BRCC3: variants seen among roughly 807,000 people sequenced by gnomAD.
BRCC3 encodes the protein BRCA1/BRCA2-containing complex subunit 3.
In BRCC3, 15 loss-of-function variants were observed where a neutral mutation model predicts 28.0. The ratio of observed to expected loss-of-function variants is 0.54; its 90% CI spans 0.36 to 0.82. The LOEUF is 0.82. BRCC3 is among the 40% of genes least tolerant of loss of function. The pLI is 0.01. For synonymous variants in BRCC3, 66 were observed against 80.3 expected (o/e 0.82, Z 0.95); for missense variants, 109 against 225.9 (o/e 0.48, Z 3.32).
At chrX:155,120,390 G>A (rs188616670) in intron 10 of BRCC3, among the ~76,000 whole-genome samples, 1 of 112,122 alleles carries the variant, frequency 8.9e-6, no homozygotes, top group East Asian at 2.8e-4. Context: ...TTTTAAAAAG[G>A]CTATGAGTGG....
At chrX:155,075,267 C>A (rs1557293334) in intron 3 of BRCC3, among the ~76,000 whole-genome samples, 2 of 112,370 alleles carry the variant, frequency 1.8e-5, no homozygotes, top group African/African-American at 3.2e-5. Context: ...CCTTCAACAT[C>A]TGATAATGCT....
intron 5 of BRCC3, among the ~76,000 whole-genome samples, chrX:155,079,181 A>T (rs1416293033): frequency 1.8e-5 from 2 of 111,530 alleles, no homozygotes; most frequent in Admixed American, 1.9e-4. Context: ...AAAGAAGGAG[A>T]ATAACTTGGG....
At chrX:155,083,052 C>T (rs924533989) in intron 5 of BRCC3, among the ~76,000 whole-genome samples, 5 of 112,181 alleles carry the variant, frequency 4.5e-5, no homozygotes, top group Non-Finnish European at 9.4e-5. Context: ...CCCATCTGGA[C>T]GTGCGTGATT....
At chrX:155,095,243 A>G (rs1557296113) in intron 7 of BRCC3, among the ~76,000 whole-genome samples, 1 of 112,299 alleles carries the variant, frequency 8.9e-6, no homozygotes, top group African/African-American at 3.2e-5. Context: ...TAACAAGTTT[A>G]TAAAGTAAAA....
At chrX:155,085,828 A>G in intron 5 of BRCC3, among the ~76,000 whole-genome samples, 1 of 111,804 alleles carries the variant, frequency 8.9e-6, no homozygotes, top group East Asian at 2.8e-4. Flanking sequence ...TGTCTTGACC[A>G]CGGAGATCTT....
At chrX:155,080,179 GAAGAA>G (rs2074074959) in intron 5 of BRCC3, among the ~76,000 whole-genome samples, 1 of 111,763 alleles carries the variant, frequency 8.9e-6, no homozygotes, top group Admixed American at 9.5e-5. Context: ...AGCCACTAAT[GAAGAA>G]AAGTTTGACA....
chrX:155,086,097 C>CAGTGTCCAGAGTGG, intron 5 of BRCC3, among the ~76,000 whole-genome samples: 3 of 111,467 alleles, frequency 2.7e-5, no homozygotes, highest in African/African-American at 9.8e-5. Context: ...CTGCAACACA[C>CAGTGTCCAGAGTGG]CTTGGAAATC....
chrX:155,118,124 A>T (rs1347159854), intron 9 of BRCC3, among the ~76,000 whole-genome samples: 1 of 112,441 alleles, frequency 8.9e-6, no homozygotes, highest in Non-Finnish European at 1.9e-5. Context: ...TTGTACACAA[A>T]TGTTTACAGC....
At chrX:155,073,523 G>C (rs1557292950) in intron 3 of BRCC3, 92 bp downstream of exon 3, 1 of 972,386 alleles carries the variant, frequency 1.0e-6, no homozygotes, top group African/African-American at 1.9e-5. Flanking sequence ...GCGGTTTCTG[G>C]CTGGATGAGA....
At chrX:155,084,964 C>T (rs782076874) in intron 5 of BRCC3, among the ~76,000 whole-genome samples, 18 of 111,687 alleles carry the variant, frequency 1.6e-4, no homozygotes, top group South Asian at 1.1e-3. Flanking sequence ...AGCAAGACCT[C>T]GTCTCTTAAA....
At chrX:155,107,553 G>A (rs1200302681) in intron 7 of BRCC3, among the ~76,000 whole-genome samples, 1 of 110,659 alleles carries the variant, frequency 9.0e-6, no homozygotes, top group Non-Finnish European at 1.9e-5. Flanking sequence ...CCAATGTCTA[G>A]TCATTTTTGA....
At chrX:155,096,527 C>T (rs1318618703) in intron 7 of BRCC3, among the ~76,000 whole-genome samples, 1 of 111,970 alleles carries the variant, frequency 8.9e-6, no homozygotes, top group African/African-American at 3.2e-5. Flanking sequence ...AATCATTAGT[C>T]TTTAGGGAAA....
At position 155,075,306 on chromosome X, in the gene BRCC3, GT is replaced by G. The variant is rs1569560421; in HGVS notation, c.196-1862del. ...CCCACTCTTTCCCCTGGCCCTTCTT[GT>G]TCTTCCCCACACTAAATGTGGCCAC... On this transcript the variant is annotated intron_variant, in intron 3 of 10. Transcript: ENST00000330045. Among the ~76,000 whole-genome samples, 4 of 51,330 alleles carry G rather than the reference GT, an allele frequency of 7.8e-5. No individual in the cohort carries two copies. In the African/African-American group the frequency reaches 1.8e-3, roughly 24 times the overall value. The allele number at this position is 51,330 out of a possible 115,157, so 44.6% of individuals were successfully genotyped here. A position where few individuals can be genotyped will look rare whatever the true frequency, so the allele number is the denominator to read the frequency against.
chrX:155,091,502 C>T (rs2074174659), intron 7 of BRCC3, among the ~76,000 whole-genome samples: 1 of 110,803 alleles, frequency 9.0e-6, no homozygotes, highest in African/African-American at 3.3e-5. Flanking sequence ...AAACTCCTGA[C>T]CTCAGGTGAT....
Position 155,096,823 on chromosome X carries a change from A to G in BRCC3, c.548+5984A>G, listed in dbSNP as rs150014855. 1.6e-3 allele frequency among the ~76,000 whole-genome samples: 174 copies of G among 112,250 alleles called. 2 individuals are homozygous for G. Among genetic ancestry groups the G allele is most frequent in the African/African-American group, 4.5e-3 (140 of 30,921 alleles). ...CATAAAAATAGACACATAGACTAAT[A>G]GGACAATAGAGAGCCCAGAAATAAA... On this transcript the variant is annotated intron_variant, in intron 7 of 10. Coordinates refer to ENST00000330045, the MANE Select transcript of BRCC3 (RefSeq NM_001018055.3).
chrX:155,083,423 C>T (rs1270394803), intron 5 of BRCC3, among the ~76,000 whole-genome samples: 1 of 112,251 alleles, frequency 8.9e-6, no homozygotes, highest in Non-Finnish European at 1.9e-5. Context: ...ATCTGTTTCT[C>T]TTGATTCACC....
At chrX:155,091,430 C>T (rs184001176) in intron 7 of BRCC3, among the ~76,000 whole-genome samples, 28 of 110,278 alleles carry the variant, frequency 2.5e-4, no homozygotes, top group Admixed American at 1.3e-3. Context: ...TACCACCACG[C>T]GCAGCTAATT....
At position 155,073,416 on chromosome X, in the gene BRCC3, C is replaced by G. The variant is rs1557292925; in HGVS notation, c.180C>G (p.Arg60=). The G allele has an allele frequency of 8.6e-7, 1 of 1,166,052 alleles. No homozygotes were observed. The highest frequency in any genetic ancestry group is 3.2e-5 in the East Asian group (1 of 31,023). ...TTGCATATACTGGAACTGAAATGCG[C>G]ACAGTTGCTGAAAAGGTATGTGTGC... ...SKFAYTGTEM[R]TVAEKVDAVR... is the part of the protein sequence containing the mutation. Residue 60 remains arginine (R), a synonymous_variant, in exon 3 of 11, where the codon CGC becomes CGG. Coordinates refer to ENST00000330045, the MANE Select transcript of BRCC3 (RefSeq NM_001018055.3).
intron 9 of BRCC3, among the ~76,000 whole-genome samples, 171 bp from the exon 10 acceptor site, chrX:155,119,828 G>A (rs2074378816): frequency 8.9e-6 from 1 of 111,769 alleles, no homozygotes. Context: ...TTTTCCCCTG[G>A]CTGGGCACAG....
Sources: gnomAD v4.1 joint callset for allele counts (sites outside exome capture counted in the v4.1 genomes callset) on GRCh38, gnomAD v4.1.1 for gene constraint, MANE v1.5 for transcripts, NCBI Gene and HGNC (gene_info 2026-07-23, HGNC 2026-07-21) for gene names.